BTBD16: variants seen among roughly 807,000 people sequenced by gnomAD.
BTBD16 encodes BTB/POZ domain-containing protein 16.
A neutral mutation model predicts 67.4 loss-of-function variants in BTBD16; 66 were observed. The observed-to-expected ratio is 0.98, with a 90% CI of 0.80 to 1.20. The LOEUF (loss-of-function observed/expected upper bound fraction) is 1.20. Ranked by LOEUF, BTBD16 falls within the 50% of genes most tolerant of loss-of-function variation. The pLI, the probability that BTBD16 is intolerant of heterozygous loss-of-function variation, is 0.00. For synonymous variants in BTBD16, 242 were observed against 236.4 expected, an observed-to-expected ratio of 1.02 and a Z score of -0.22; for missense variants, 634 against 616.0, an observed-to-expected ratio of 1.03 and a Z score of -0.31.
intron 4 of BTBD16, 42 bp downstream of exon 4, chr10:122,283,966 AT>A: frequency 6.9e-7 from 1 of 1,452,474 alleles, no homozygotes; most frequent in Non-Finnish European, 9.7e-7. Flanking sequence ...AATGTTGCTG[AT>A]TTCAGGGGCA....
rs780282713 is a variant in BTBD16, at chr10:122,291,160, G to A, written c.556G>A (p.Ala186Thr). Residue 186 changes from alanine (A) to threonine (T), a missense_variant, in exon 7 of 16, where the codon GCC (alanine) becomes ACC (threonine). Physicochemically the swap from Ala to Thr is moderately conservative, Grantham distance 58. Coordinates refer to ENST00000260723, the MANE Select transcript of BTBD16 (RefSeq NM_144587.5). ...LEDLLGVLAS[A>T]HILQFSGLFQ... The stretch of plus-strand genomic sequence containing the variant: ...AGACCTACTGGGAGTGCTGGCTTCC[G>A]CCCACATCCTCCAGTTCAGTGGCCT... 1.1e-5 allele frequency: 18 copies of A among 1,613,684 alleles called. No individual in the cohort carries two copies. In the East Asian group the frequency reaches 1.3e-4, roughly 12 times the overall value.
intron 10 of BTBD16, among the ~76,000 whole-genome samples, chr10:122,314,682 A>G (rs1258776828): frequency 6.6e-6 from 1 of 152,180 alleles, no homozygotes; most frequent in African/African-American, 2.4e-5. Flanking sequence ...GATATATAGA[A>G]GTACAATAGT....
At chr10:122,284,794 A>G (rs2096360373) in intron 4 of BTBD16, among the ~76,000 whole-genome samples, 1 of 152,070 alleles carries the variant, frequency 6.6e-6, no homozygotes, top group Non-Finnish European at 1.5e-5. Context: ...TCAACTCTGA[A>G]CAGGAGAAGT....
At chr10:122,300,776 T>G (rs1014372293) in intron 9 of BTBD16, among the ~76,000 whole-genome samples, 2 of 152,192 alleles carry the variant, frequency 1.3e-5, no homozygotes, top group African/African-American at 2.4e-5. Context: ...TTACCAAAAT[T>G]TTATTACCTC....
At chr10:122,304,073 A>G (rs1590071302) in intron 9 of BTBD16, among the ~76,000 whole-genome samples, 2 of 152,142 alleles carry the variant, frequency 1.3e-5, no homozygotes, top group East Asian at 3.8e-4. Context: ...TCTACACTGG[A>G]AATCACACCA....
chr10:122,287,176 C>G (rs958796555), intron 5 of BTBD16, among the ~76,000 whole-genome samples: 1 of 152,186 alleles, frequency 6.6e-6, no homozygotes, highest in Non-Finnish European at 1.5e-5. Context: ...CTGCAACAAG[C>G]TTGGTGCTGG....
intron 13 of BTBD16, among the ~76,000 whole-genome samples, chr10:122,333,267 A>G (rs2096458027): frequency 6.6e-6 from 1 of 152,194 alleles, no homozygotes; most frequent in African/African-American, 2.4e-5. Flanking sequence ...TGGAGATCAC[A>G]GAGCCAGGAC....
chr10:122,279,610 A>G (rs1489677588), intron 3 of BTBD16, among the ~76,000 whole-genome samples: 1 of 151,964 alleles, frequency 6.6e-6, no homozygotes, highest in Non-Finnish European at 1.5e-5. Flanking sequence ...CTTAGAAAGA[A>G]TAAAGGGTGT....
At chr10:122,319,846 A>G (rs1394393986) in intron 10 of BTBD16, among the ~76,000 whole-genome samples, 1 of 152,176 alleles carries the variant, frequency 6.6e-6, no homozygotes, top group Non-Finnish European at 1.5e-5. Flanking sequence ...CTTCTGATCC[A>G]TGAATATGGT....
chr10:122,294,185 G>A, intron 7 of BTBD16: 1 of 985,454 alleles, frequency 1.0e-6, no homozygotes, highest in Non-Finnish European at 1.2e-6. Context: ...CTGCCTTTGA[G>A]AGGCTGATGG....
rs115670297 is a variant in BTBD16, at chr10:122,286,048, C to A, written c.242-57C>A. ...GGAGCTGGGGGAGAGGAAGCTGATG[C>A]ATCTTTGGGTGGGGACGTTACTGAT... On this transcript the variant is annotated intron_variant, in intron 4 of 15. Transcript: ENST00000260723. The A allele has an allele frequency of 2.4e-5, 36 of 1,506,310 alleles. No individual in the cohort carries two copies. The African/African-American group carries it at 4.4e-4, about 18-fold the overall frequency. The allele number at this position is 1,506,310 out of a possible 1,614,324, so 93.3% of individuals were successfully genotyped here. A position where few individuals can be genotyped will look rare whatever the true frequency, so the allele number is the denominator to read the frequency against.
At chr10:122,290,293 A>G (rs1046985842) in intron 6 of BTBD16, among the ~76,000 whole-genome samples, 3 of 152,162 alleles carry the variant, frequency 2.0e-5, no homozygotes, top group Non-Finnish European at 4.4e-5. Context: ...ACCAAGCACA[A>G]AAGGAATTGC....
intron 7 of BTBD16, among the ~76,000 whole-genome samples, chr10:122,291,968 G>A (rs1371187572): frequency 6.6e-6 from 1 of 152,152 alleles, no homozygotes; most frequent in Non-Finnish European, 1.5e-5. Flanking sequence ...GACGAGGGTT[G>A]CCTGGGCTCA....
chr10:122,275,076 T>G lies in BTBD16; in HGVS notation c.-6T>G, dbSNP rs775605643. 8 of 1,613,960 alleles carry G rather than the reference T, an allele frequency of 5.0e-6. No individual in the cohort carries two copies. The East Asian group carries it at 1.8e-4, about 36-fold the overall frequency. Reference sequence around the variant, plus strand: ...TTTCTCTCCTGCGTAATTTCCACTTTCATTCATGATAATGTCGAACACGGT... The same window carrying G: ...TTTCTCTCCTGCGTAATTTCCACTTGCATTCATGATAATGTCGAACACGGT... On this transcript the variant is annotated 5_prime_UTR_variant, in exon 2 of 16. Transcript: ENST00000260723.
intron 10 of BTBD16, among the ~76,000 whole-genome samples, chr10:122,323,222 G>A (rs1339206542): frequency 2.0e-5 from 3 of 152,198 alleles, no homozygotes; most frequent in African/African-American, 4.8e-5. Context: ...CAAGTGTCAT[G>A]TTTACAGAGT....
At chr10:122,334,225 T>C (rs561674179) in intron 13 of BTBD16, among the ~76,000 whole-genome samples, 1 of 150,716 alleles carries the variant, frequency 6.6e-6, no homozygotes, top group African/African-American at 2.4e-5. Context: ...AGATGGAGTC[T>C]TGCTCTGTCA....
intron 7 of BTBD16, chr10:122,294,013 C>A (rs1477244859): frequency 4.2e-6 from 2 of 476,976 alleles, no homozygotes; most frequent in East Asian, 3.1e-4. Flanking sequence ...GCAGGAGGGG[C>A]TTTGCAGCTA....
At chr10:122,282,237 C>T (rs1358637426) in intron 3 of BTBD16, among the ~76,000 whole-genome samples, 1 of 152,174 alleles carries the variant, frequency 6.6e-6, no homozygotes, top group East Asian at 1.9e-4. Context: ...GGTCTGAACT[C>T]TTGACTCTGG....
chr10:122,324,300 C>T (rs1031180715), intron 10 of BTBD16, among the ~76,000 whole-genome samples: 2 of 152,174 alleles, frequency 1.3e-5, no homozygotes, highest in African/African-American at 4.8e-5. Context: ...CCATTCCCCC[C>T]ACATACTATT....
Sources: allele counts gnomAD v4.1 joint callset (sites outside exome capture counted in the v4.1 genomes callset), GRCh38; gene constraint gnomAD v4.1.1; transcripts MANE v1.5; gene names NCBI Gene and HGNC (gene_info 2026-07-23, HGNC 2026-07-21).